Variants in YTHDF3 observed in about 807,000 individuals in gnomAD.
The protein encoded by YTHDF3 is YTH domain-containing family protein 3.
YTHDF3 carries 9 observed loss-of-function variants against 52.5 expected under a neutral mutation model. The ratio of observed to expected loss-of-function variants is 0.17; its 90% CI spans 0.10 to 0.30. YTHDF3 has a LOEUF of 0.30. YTHDF3 is among the 10% of genes least tolerant of loss of function. The pLI is 1.00. For missense variants in YTHDF3, 534 were observed against 715.0 expected (o/e 0.75, Z 2.89); for synonymous variants, 274 against 243.3 (o/e 1.13, Z -1.18).
At chr8:63,176,723 G>C (rs534626981) in intron 3 of YTHDF3, among the ~76,000 whole-genome samples, 1 of 151,628 alleles carries the variant, frequency 6.6e-6, no homozygotes, top group Admixed American at 6.6e-5. Flanking sequence ...TGTTGCCCAG[G>C]CTGGAGTGCA....
Position 63,208,882 on chromosome 8 carries a change from G to GTTGTTT in YTHDF3, c.1735-798_1735-797insTTTTTG, listed in dbSNP as rs1810204993. Among the ~76,000 whole-genome samples the GTTGTTT allele has an allele frequency of 3.3e-5, 5 of 152,122 alleles. No individual in the cohort carries two copies. In the South Asian group the frequency reaches 8.3e-4, roughly 25 times the overall value. ...TTTTGTTGTTGTTGTTGTTGTTGTT[G>GTTGTTT]TTGAGATGGAGTTTTGCTCTTGTTG... On this transcript the variant is annotated intron_variant, in intron 4 of 4. Transcript: ENST00000539294.
At chr8:63,200,200 G>A (rs1279050705) in intron 4 of YTHDF3, among the ~76,000 whole-genome samples, 1 of 152,120 alleles carries the variant, frequency 6.6e-6, no homozygotes, top group Non-Finnish European at 1.5e-5. Flanking sequence ...CCTTTTGGCT[G>A]TATGCCAGAG....
chr8:63,169,636 T>A, intron 2 of YTHDF3: 1 of 572,292 alleles, frequency 1.7e-6, no homozygotes, highest in East Asian at 2.9e-5. Context: ...ACAGTTTCCT[T>A]GTCAGTTAAG....
chr8:63,181,854 A>G (rs1808160366), intron 3 of YTHDF3, among the ~76,000 whole-genome samples: 1 of 152,228 alleles, frequency 6.6e-6, no homozygotes, highest in African/African-American at 2.4e-5. Context: ...TAGAGAATGA[A>G]GAATTACGGT....
chr8:63,206,026 G>A (rs913555491), intron 4 of YTHDF3, among the ~76,000 whole-genome samples: 4 of 152,010 alleles, frequency 2.6e-5, no homozygotes, highest in African/African-American at 9.7e-5. Flanking sequence ...TTGCCTATTT[G>A]ACATCTTTAT....
chr8:63,172,333 C>CT (rs1807381207), intron 2 of YTHDF3, among the ~76,000 whole-genome samples: 1 of 152,136 alleles, frequency 6.6e-6, no homozygotes, highest in Non-Finnish European at 1.5e-5. Flanking sequence ...CCTTTCTCCT[C>CT]TAAGTTTATA....
intron 4 of YTHDF3, among the ~76,000 whole-genome samples, chr8:63,205,222 C>G (rs1170552200): frequency 6.6e-6 from 1 of 152,136 alleles, no homozygotes; most frequent in Non-Finnish European, 1.5e-5. Flanking sequence ...TCTAAAGCGT[C>G]TTTTTCTAAA....
At chr8:63,184,721 T>G (rs1808385204) in intron 3 of YTHDF3, among the ~76,000 whole-genome samples, 1 of 150,558 alleles carries the variant, frequency 6.6e-6, no homozygotes, top group Non-Finnish European at 1.5e-5. Flanking sequence ...CAAAGAACTT[T>G]GACTGTCTCT....
chr8:63,191,897 A>C (rs1163590625), intron 4 of YTHDF3, among the ~76,000 whole-genome samples: 1 of 152,080 alleles, frequency 6.6e-6, no homozygotes. Context: ...TGTCTATTCC[A>C]TTCATCCTTT....
In YTHDF3 at chr8:63,186,892, T is replaced by C. The variant is rs1808548140; in HGVS notation, c.881T>C (p.Val294Ala). The C allele has an allele frequency of 6.2e-7, 1 of 1,613,992 alleles. No homozygotes were observed. Among genetic ancestry groups the C allele is most frequent in the African/African-American group, 1.3e-5 (1 of 75,036 alleles). Residue 294 changes from valine (V) to alanine (A), a missense_variant, in exon 4 of 5, where the codon GTT becomes GCT. Coordinates refer to ENST00000539294, the MANE Select transcript of YTHDF3 (RefSeq NM_152758.6). ...GTAAAGGCTCCACCAACCCAACCAG[T>C]TCTGCCTCCTCAAACTATAATCCAG... The part of the protein sequence containing the change: ...SVVKAPPTQP[V>A]LPPQTIIQQP...
chr8:63,185,580 A>T (rs973700922), intron 3 of YTHDF3, among the ~76,000 whole-genome samples: 2 of 152,224 alleles, frequency 1.3e-5, no homozygotes, highest in African/African-American at 4.8e-5. Flanking sequence ...AATTTGCATC[A>T]TGCTATAAAC....
chr8:63,201,572 A>C (rs1809645899), intron 4 of YTHDF3, among the ~76,000 whole-genome samples: 1 of 152,166 alleles, frequency 6.6e-6, no homozygotes, highest in African/African-American at 2.4e-5. Context: ...ATCCTCACCA[A>C]ACTTTACATT....
chr8:63,168,982 G>T, intron 1 of YTHDF3, 81 bp downstream of exon 1: 3 of 1,515,390 alleles, frequency 2.0e-6, no homozygotes, highest in South Asian at 1.2e-5. Context: ...GCTCCTCCCC[G>T]TCGCCGCCGC....
intron 4 of YTHDF3, among the ~76,000 whole-genome samples, chr8:63,195,730 A>ATG (rs1554538657): frequency 1.8e-5 from 2 of 108,112 alleles, no homozygotes; most frequent in Non-Finnish European, 2.0e-5. Flanking sequence ...CCATGTATTT[A>ATG]CGTGTGTGTG....
chr8:63,209,683 G>T lies in YTHDF3; in HGVS notation c.1735G>T (p.Glu579Ter). Residue 579 changes from glutamate (E) to a stop codon, truncating the protein, a stop_gained and splice_region_variant, in exon 5 of 5, where the codon GAG (glutamate) becomes TAG (stop). Coordinates refer to ENST00000539294, the MANE Select transcript of YTHDF3 (RefSeq NM_152758.6). LOFTEE classifies it high-confidence loss of function. ...TGTGTGTGTGTTTTTTTTTTTTCAG[G>T]AGAGAAATAGAAACAAACAATAACC... is the stretch of plus-strand genomic sequence containing the variant. ...RQEEEEAMRR[E>*]RNRNKQ is the part of the protein sequence containing the mutation. 1 of 1,567,816 alleles carries T rather than the reference G, an allele frequency of 6.4e-7. No homozygotes were observed. Among genetic ancestry groups the T allele is most frequent in the Non-Finnish European group, 8.6e-7 (1 of 1,164,114 alleles).
At position 63,187,722 on chromosome 8, in the gene YTHDF3, G is replaced by A. The variant is rs1324764103; in HGVS notation, c.1711G>A (p.Glu571Lys). The A allele has an allele frequency of 6.2e-7, 1 of 1,608,488 alleles. No individual in the cohort carries two copies. Among genetic ancestry groups the A allele is most frequent in the Non-Finnish European group, 8.5e-7 (1 of 1,177,234 alleles). The change falls in exon 4 of 5, where the codon GAA (glutamate) becomes AAA (lysine). Residue 571 changes from glutamate (E) to lysine (K), a missense_variant. Transcript: ENST00000539294. ...DDFAHYEKRQ[E>K]EEEAMRRERN... is the part of the protein sequence containing the mutation. ...CTTTGCACATTATGAAAAGCGTCAA[G>A]AAGAGGAGGAAGCCATGCGTAGGGT...
intron 4 of YTHDF3, among the ~76,000 whole-genome samples, chr8:63,196,245 A>C (rs1323727144): frequency 6.7e-6 from 1 of 149,272 alleles, no homozygotes; most frequent in East Asian, 2.0e-4. Context: ...GGGCGACAGA[A>C]GTCTGTCTCT....
chr8:63,205,727 C>T (rs1466278726), intron 4 of YTHDF3, among the ~76,000 whole-genome samples: 1 of 152,114 alleles, frequency 6.6e-6, no homozygotes, highest in Non-Finnish European at 1.5e-5. Context: ...AGCCACTGCA[C>T]CCGGTAGCTC....
At chr8:63,182,084 T>G (rs2130051274) in intron 3 of YTHDF3, among the ~76,000 whole-genome samples, 1 of 152,086 alleles carries the variant, frequency 6.6e-6, no homozygotes, top group East Asian at 1.9e-4. Context: ...TTAAATTTTT[T>G]TTTTAAGAGG....
Sources: allele counts gnomAD v4.1 joint callset (sites outside exome capture counted in the v4.1 genomes callset), GRCh38; gene constraint gnomAD v4.1.1; transcripts MANE v1.5; gene names NCBI Gene and HGNC (gene_info 2026-07-23, HGNC 2026-07-21).